Variants in EIF4EBP2 observed in about 807,000 individuals in gnomAD.
EIF4EBP2 encodes the protein eukaryotic translation initiation factor 4E binding protein 2.
In EIF4EBP2, 5 loss-of-function variants were observed where a neutral mutation model predicts 10.3. The observed-to-expected ratio is 0.48, with a 90% CI of 0.25 to 1.02. The LOEUF is 1.02. Among genes scored for constraint, EIF4EBP2 ranks in the 50% least tolerant of loss-of-function variants. EIF4EBP2 has a pLI of 0.15. For synonymous variants in EIF4EBP2, 67 were observed against 61.1 expected, an observed-to-expected ratio of 1.10 and a Z score of -0.45; for missense variants, 188 against 162.2, an observed-to-expected ratio of 1.16 and a Z score of -0.86.
At chr10:70,405,963 G>A (rs1054072747) in intron 1 of EIF4EBP2, among the ~76,000 whole-genome samples, 1 of 152,130 alleles carries the variant, frequency 6.6e-6, no homozygotes, top group Non-Finnish European at 1.5e-5. Context: ...ATCTCCCCCC[G>A]ATATGATCAG....
rs995399586 is a variant in EIF4EBP2 at position 70,428,263 on chromosome 10, T to A, written c.*6516T>A. On this transcript the variant is annotated 3_prime_UTR_variant, in exon 3 of 3. Coordinates refer to ENST00000373218, the MANE Select transcript of EIF4EBP2 (RefSeq NM_004096.5). ...CGTGCTAAGGTGTCCATTTTATGCA[T>A]CTTTAAAATATTTTATTTAAAAAAA... The A allele has an allele frequency of 1.3e-5, 2 of 151,958 alleles. No individual in the cohort carries two copies. The highest frequency in any genetic ancestry group is 2.9e-5 in the Non-Finnish European group (2 of 68,008). 9.4% of individuals were successfully genotyped at this position (151,958 alleles called of 1,614,324 possible).
rs377725171 is a variant in EIF4EBP2, at chr10:70,415,158, GAAAAA to G, written c.146-4746_146-4742del. On this transcript the variant is annotated intron_variant, in intron 1 of 2. Coordinates refer to ENST00000373218, the MANE Select transcript of EIF4EBP2 (RefSeq NM_004096.5). Reference sequence around the variant, plus strand: ...GGACGACAGAGCAAGACCCTCTCTCGAAAAAAAAAAAAAAGAAAAGAAAAAGAAAG... The same window carrying G: ...GGACGACAGAGCAAGACCCTCTCTCGAAAAAAAAAGAAAAGAAAAAGAAAG... 9.3e-3 allele frequency among the ~76,000 whole-genome samples: 998 copies of G among 107,498 alleles called. 14 individuals carry two copies. The highest frequency in any genetic ancestry group is 0.031 in the African/African-American group (911 of 29,556). 70.5% of individuals were successfully genotyped at this position (107,498 alleles called of 152,430 possible).
At chr10:70,421,683 T>C (rs1845158681) in intron 2 of EIF4EBP2, 33 bp from the exon 3 acceptor site, 1 of 1,602,086 alleles carries the variant, frequency 6.2e-7, no homozygotes, top group South Asian at 1.1e-5. Flanking sequence ...TTTGTGTACG[T>C]GCTAAACTCT....
chr10:70,406,760 T>C (rs940185189), intron 1 of EIF4EBP2, among the ~76,000 whole-genome samples: 8 of 152,324 alleles, frequency 5.3e-5, no homozygotes, highest in African/African-American at 1.9e-4. Flanking sequence ...TTCTCAAATA[T>C]CACTTAACTT....
intron 1 of EIF4EBP2, among the ~76,000 whole-genome samples, chr10:70,410,989 A>G (rs1378087994): frequency 1.3e-5 from 2 of 152,236 alleles, no homozygotes; most frequent in African/African-American, 4.8e-5. Flanking sequence ...GTATGTATTT[A>G]TAAGATATTT....
intron 1 of EIF4EBP2, among the ~76,000 whole-genome samples, chr10:70,414,641 G>T (rs1201429443): frequency 6.6e-6 from 1 of 152,208 alleles, no homozygotes; most frequent in Non-Finnish European, 1.5e-5. Flanking sequence ...GCCAAGGCTT[G>T]CAGATCACTT....
chr10:70,417,917 C>A (rs955321364), intron 1 of EIF4EBP2, among the ~76,000 whole-genome samples: 3 of 152,110 alleles, frequency 2.0e-5, no homozygotes, highest in Non-Finnish European at 4.4e-5. Context: ...GCCTATTTGC[C>A]CTTATTTTAC....
intron 1 of EIF4EBP2, among the ~76,000 whole-genome samples, chr10:70,414,584 T>G (rs1845074237): frequency 6.6e-6 from 1 of 152,186 alleles, no homozygotes; most frequent in Admixed American, 6.5e-5. Flanking sequence ...AAACCTGTTT[T>G]TGGCCCAGCA....
At chr10:70,409,244 T>C (rs938497488) in intron 1 of EIF4EBP2, among the ~76,000 whole-genome samples, 3 of 152,118 alleles carry the variant, frequency 2.0e-5, no homozygotes, top group African/African-American at 4.8e-5. Flanking sequence ...TTTCTCCTTA[T>C]GAAGGAAGAG....
chr10:70,414,356 A>G (rs571043823), intron 1 of EIF4EBP2, among the ~76,000 whole-genome samples: 1 of 142,406 alleles, frequency 7.0e-6, no homozygotes, highest in Admixed American at 7.0e-5. Context: ...ACTAAAATTC[A>G]AAAACTTATA....
chr10:70,414,644 G>C (rs201148975), intron 1 of EIF4EBP2, among the ~76,000 whole-genome samples: 1 of 152,176 alleles, frequency 6.6e-6, no homozygotes, highest in East Asian at 1.9e-4. Context: ...AAGGCTTGCA[G>C]ATCACTTGAG....
At position 70,404,462 on chromosome 10, in the gene EIF4EBP2, A is replaced by G; in HGVS notation, c.61A>G (p.Thr21Ala). The G allele has an allele frequency of 2.5e-6, 4 of 1,598,590 alleles. No individual in the cohort carries two copies. Among genetic ancestry groups the G allele is most frequent in the Non-Finnish European group, 3.4e-6 (4 of 1,174,950 alleles). The change falls in exon 1 of 3, where the codon ACC becomes GCC. Residue 21 changes from threonine (T) to alanine (A), a missense_variant. Coordinates refer to ENST00000373218, the MANE Select transcript of EIF4EBP2 (RefSeq NM_004096.5). Reference sequence around the variant, plus strand: ...CCAGAGCCGCGCCATCCCCACCCGCACCGTGGCCATCAGCGACGCCGCGCA... The same window carrying G: ...CCAGAGCCGCGCCATCCCCACCCGCGCCGTGGCCATCAGCGACGCCGCGCA... ...PSQSRAIPTR[T>A]VAISDAAQLP...
intron 1 of EIF4EBP2, among the ~76,000 whole-genome samples, chr10:70,406,374 T>A (rs1269317924): frequency 6.6e-6 from 1 of 152,230 alleles, no homozygotes; most frequent in Non-Finnish European, 1.5e-5. Context: ...AAATAGATGC[T>A]GTTTTCCGAG....
intron 1 of EIF4EBP2, among the ~76,000 whole-genome samples, chr10:70,412,878 A>T (rs1845059640): frequency 6.6e-6 from 1 of 152,232 alleles, no homozygotes. Flanking sequence ...CCTATTCTGA[A>T]ATCCAAACAT....
In EIF4EBP2 at chr10:70,407,157, C is replaced by T. The variant is rs376038605; in HGVS notation, c.145+2611C>T. On this transcript the variant is annotated intron_variant, in intron 1 of 2. Transcript: ENST00000373218. ...TTGTTGATCATTCTTGGGTGTTTCT[C>T]GCAGAGGGGGATTTGGCAGGGTCAC... 1.5e-4 allele frequency among the ~76,000 whole-genome samples: 21 copies of T among 143,546 alleles called. No individual in the cohort carries two copies. The South Asian group carries it at 4.0e-3, about 27-fold the overall frequency. The allele number at this position is 143,546 out of a possible 152,430, so 94.2% of individuals were successfully genotyped here.
intron 1 of EIF4EBP2, among the ~76,000 whole-genome samples, chr10:70,416,429 A>G (rs1466712918): frequency 6.6e-6 from 1 of 151,970 alleles, no homozygotes; most frequent in Non-Finnish European, 1.5e-5. Context: ...AAATACAAAA[A>G]TTAGCCGGGC....
At chr10:70,415,765 CAG>C (rs1161651517) in intron 1 of EIF4EBP2, among the ~76,000 whole-genome samples, 2 of 151,666 alleles carry the variant, frequency 1.3e-5, no homozygotes, top group Non-Finnish European at 2.9e-5. Flanking sequence ...ACCTAAATGT[CAG>C]AGCAAAAGCT....
In EIF4EBP2 at chr10:70,425,552, A is replaced by C. The variant is rs1342903894; in HGVS notation, c.*3805A>C. 1 of 152,238 alleles carries C rather than the reference A, an allele frequency of 6.6e-6. No homozygotes were observed. The highest frequency in any genetic ancestry group is 2.4e-5 in the African/African-American group (1 of 41,458). The allele number at this position is 152,238 out of a possible 1,614,324, so 9.4% of individuals were successfully genotyped here. A position where few individuals can be genotyped will look rare whatever the true frequency, so the allele number is the denominator to read the frequency against. ...CATAGCCAAACTGGGATAGAAGGCA[A>C]ACTCCCCAAAGCTACCTGCTGGTTT... is the stretch of plus-strand genomic sequence containing the variant. On this transcript the variant is annotated 3_prime_UTR_variant, in exon 3 of 3. Coordinates refer to ENST00000373218, the MANE Select transcript of EIF4EBP2 (RefSeq NM_004096.5).
At chr10:70,413,684 A>G (rs1036851841) in intron 1 of EIF4EBP2, among the ~76,000 whole-genome samples, 1 of 151,414 alleles carries the variant, frequency 6.6e-6, no homozygotes, top group African/African-American at 2.4e-5. Context: ...TAATTCTTCT[A>G]TGCTTTTACT....
Sources: allele counts gnomAD v4.1 joint callset (sites outside exome capture counted in the v4.1 genomes callset), GRCh38; gene constraint gnomAD v4.1.1; transcripts MANE v1.5; gene names NCBI Gene and HGNC (gene_info 2026-07-23, HGNC 2026-07-21).